The following PLG variants were observed in gnomAD, a reference collection of about 807,000 sequenced individuals.
PLG encodes the protein plasmin.
PLG carries 41 observed loss-of-function variants against 104.4 expected under a neutral mutation model. The ratio of observed to expected loss-of-function variants is 0.39; its 90% CI spans 0.31 to 0.51. The LOEUF (loss-of-function observed/expected upper bound fraction) is 0.51, where lower values mean the gene tolerates loss of function less well. PLG is among the 20% of genes least tolerant of loss of function. The probability of loss-of-function intolerance (pLI) is 0.76; values close to 1 mark genes in which losing one functional copy is unlikely to be tolerated. For synonymous variants in PLG, 337 were observed against 357.1 expected, an observed-to-expected ratio of 0.94 and a Z score of 0.63; for missense variants, 891 against 1,003.6, an observed-to-expected ratio of 0.89 and a Z score of 1.52.
Position 160,736,862 on chromosome 6 carries a change from A to G in PLG, c.1682-25A>G. 2 of 1,613,162 alleles carry G rather than the reference A, an allele frequency of 1.2e-6. No individual in the cohort carries two copies. The highest frequency in any genetic ancestry group is 1.7e-6 in the Non-Finnish European group (2 of 1,179,414). The stretch of plus-strand genomic sequence containing the variant: ...AAATTGCTACCTTGTCTCAAATGGG[A>G]TTTCTTTCCCACCTTGTGCCACAGC... On this transcript the variant is annotated intron_variant, in intron 13 of 18. Transcript: ENST00000308192. The surrounding 1 kb of genome is among the most constrained non-coding windows in gnomAD (Gnocchi z 5.2).
chr6:160,703,021 C>G (rs549704267), intron 1 of PLG, among the ~76,000 whole-genome samples: 6 of 152,008 alleles, frequency 3.9e-5, no homozygotes, highest in Admixed American at 2.0e-4. Context: ...GTATCCTTTA[C>G]AAATACTAGC....
In PLG at chr6:160,752,103, T is replaced by C. The variant is rs1017989194; in HGVS notation, c.2126-12T>C. Reference sequence around the variant, plus strand: ...GGTGCAGTTGCCATTTCTTTCATCTTTTTAAACACAGGTACTTTTGGAGCT... The same window carrying C: ...GGTGCAGTTGCCATTTCTTTCATCTCTTTAAACACAGGTACTTTTGGAGCT... On this transcript the variant is annotated splice_polypyrimidine_tract_variant and intron_variant, in intron 17 of 18. Coordinates refer to ENST00000308192, the MANE Select transcript of PLG (RefSeq NM_000301.5). The surrounding 1 kb of genome is among the most constrained non-coding windows in gnomAD (Gnocchi z 4.7). The C allele has an allele frequency of 3.7e-6, 6 of 1,612,524 alleles. No individual in the cohort carries two copies. In the African/African-American group the frequency reaches 8.0e-5, roughly 22 times the overall value.
rs747666681 is a variant in PLG at position 160,711,211 on chromosome 6, C to G, written c.407+20C>G. On this transcript the variant is annotated intron_variant, in intron 4 of 18. Transcript: ENST00000308192. ...ACCTAGGTAAGACATTCCCTTTCATCTTTGTGTTCATCTACTGTAAAGTTG... is the reference window on the plus strand; with the variant it reads ...ACCTAGGTAAGACATTCCCTTTCATGTTTGTGTTCATCTACTGTAAAGTTG... 1.2e-6 allele frequency: 2 copies of G among 1,610,376 alleles called. No individual in the cohort carries two copies. Among genetic ancestry groups the G allele is most frequent in the East Asian group, 4.5e-5 (2 of 44,830 alleles).
At chr6:160,706,689 T>C (rs570362826) in intron 2 of PLG, 147 bp downstream of exon 2, 10 of 763,848 alleles carry the variant, frequency 1.3e-5, no homozygotes, top group East Asian at 2.5e-5. Flanking sequence ...TGTGAAGCCA[T>C]ACTAACAGCT....
chr6:160,716,719 C>T lies in PLG; in HGVS notation c.743C>T (p.Thr248Ile), dbSNP rs139012522. 8.7e-6 allele frequency: 14 copies of T among 1,613,058 alleles called. 1 individual carries two copies. The highest frequency in any genetic ancestry group is 8.0e-5 in the African/African-American group (6 of 74,908). The change falls in exon 7 of 19, where the codon ACC becomes ATC. Residue 248 changes from threonine to isoleucine, a missense_variant. Physicochemically the swap from Thr to Ile is moderately conservative, Grantham distance 89. This residue lies in a region of PLG where 854 missense variants were observed against 932.1 expected (regional missense o/e 0.92). Transcript: ENST00000308192. ...DRELRPWCFT[T>I]DPNKRWELCD... ...GAGCTGCGGCCTTGGTGTTTCACCA[C>T]CGACCCCAACAAGCGCTGGGAACTT...
intron 12 of PLG, 54 bp from the exon 13 acceptor site, chr6:160,733,940 CT>C: frequency 1.1e-6 from 1 of 892,372 alleles, no homozygotes; most frequent in Non-Finnish European, 1.9e-6. Context: ...CTTGGAACAC[CT>C]TCTCCCTCTC....
At chr6:160,747,254 T>G (rs760690609) in intron 17 of PLG, among the ~76,000 whole-genome samples, 5 of 152,160 alleles carry the variant, frequency 3.3e-5, no homozygotes, top group Non-Finnish European at 7.4e-5. Context: ...TTGATGGGTG[T>G]GGATGAGAAC....
intron 5 of PLG, 130 bp downstream of exon 5, chr6:160,713,255 A>C: frequency 1.4e-5 from 11 of 811,294 alleles, no homozygotes; most frequent in African/African-American, 3.5e-5. Flanking sequence ...AAGAAGCAAA[A>C]CCCCAGAATT....
In PLG at chr6:160,738,703, T is replaced by C. The variant is rs1778133142; in HGVS notation, c.1877+91T>C. ...CTTTCCTCCTTTCCTTTCTCACTCT[T>C]CCTCCCTTCCTTCTCTGGCTGTGAC... On this transcript the variant is annotated intron_variant, in intron 15 of 18. Transcript: ENST00000308192. The surrounding 1 kb of genome is among the most constrained non-coding windows in gnomAD (Gnocchi z 6.8). The C allele has an allele frequency of 3.3e-6, 3 of 900,016 alleles. No homozygotes were observed. The highest frequency in any genetic ancestry group is 5.6e-4 in the Middle Eastern group (2 of 3,568). The allele number at this position is 900,016 out of a possible 1,614,324, so 55.8% of individuals were successfully genotyped here.
At position 160,735,578 on chromosome 6, in the gene PLG, T is replaced by C. The variant is rs1778073993; in HGVS notation, c.1682-1309T>C. Among the ~76,000 whole-genome samples, 1 of 152,196 alleles carries C rather than the reference T, an allele frequency of 6.6e-6. No individual in the cohort carries two copies. The highest frequency in any genetic ancestry group is 1.5e-5 in the Non-Finnish European group (1 of 68,042). On this transcript the variant is annotated intron_variant, in intron 13 of 18. Transcript: ENST00000308192. This position sits in a 1 kb window ranked among gnomAD's most constrained non-coding sequence, Gnocchi z 5.4. The stretch of plus-strand genomic sequence containing the variant: ...GGTGAGAAGCGTTCCCATCAGACAC[T>C]TGGAAATCCTGAGGACTGTTTCATG...
chr6:160,745,946 A>G (rs1778269998), intron 17 of PLG, among the ~76,000 whole-genome samples: 1 of 152,166 alleles, frequency 6.6e-6, no homozygotes, highest in Admixed American at 6.5e-5. Context: ...AGAATATTGA[A>G]TATAGGCCCC....
At chr6:160,729,520 T>G (rs1287774854) in intron 10 of PLG, among the ~76,000 whole-genome samples, 1 of 152,220 alleles carries the variant, frequency 6.6e-6, no homozygotes, top group East Asian at 1.9e-4. Flanking sequence ...ATTTGTGATC[T>G]ATTCATATAA....
At chr6:160,721,216 T>C (rs1477104824) in intron 9 of PLG, among the ~76,000 whole-genome samples, 1 of 152,212 alleles carries the variant, frequency 6.6e-6, no homozygotes, top group Non-Finnish European at 1.5e-5. Context: ...AGTCTGGCTC[T>C]CTGGATTGCT....
At chr6:160,749,016 C>A (rs1044446728) in intron 17 of PLG, among the ~76,000 whole-genome samples, 2 of 152,174 alleles carry the variant, frequency 1.3e-5, no homozygotes, top group African/African-American at 4.8e-5. Flanking sequence ...GTGTAGTTCC[C>A]TCAACAGGAT....
chr6:160,738,398 C>A lies in PLG; in HGVS notation c.1803-140C>A. 1 of 705,738 alleles carries A rather than the reference C, an allele frequency of 1.4e-6. No homozygotes were observed. The highest frequency in any genetic ancestry group is 2.7e-5 in the East Asian group (1 of 36,668). 43.7% of individuals were successfully genotyped at this position (705,738 alleles called of 1,614,324 possible). On this transcript the variant is annotated intron_variant, in intron 14 of 18. Coordinates refer to ENST00000308192, the MANE Select transcript of PLG (RefSeq NM_000301.5). The surrounding 1 kb of genome is among the most constrained non-coding windows in gnomAD (Gnocchi z 6.8). The stretch of plus-strand genomic sequence containing the variant: ...AGCACTGGCCAAAATTACTACCATC[C>A]TGATGCTGGGCTTGCAGTCCTTTCC...
rs916498871 is a variant in PLG at position 160,734,196 on chromosome 6, C to T, written c.1681+108C>T. On this transcript the variant is annotated intron_variant, in intron 13 of 18. Coordinates refer to ENST00000308192, the MANE Select transcript of PLG (RefSeq NM_000301.5). The surrounding 1 kb of genome is among the most constrained non-coding windows in gnomAD (Gnocchi z 4.4). ...TGCTTCTGGGGAGGAGATAGCTGCC[C>T]TCTCCATCAGACCCCACTCTTCATC... The T allele has an allele frequency of 3.4e-5, 23 of 677,090 alleles. No homozygotes were observed. The highest frequency in any genetic ancestry group is 6.3e-5 in the Non-Finnish European group (23 of 362,212). 41.9% of individuals were successfully genotyped at this position (677,090 alleles called of 1,614,324 possible).
intron 1 of PLG, among the ~76,000 whole-genome samples, chr6:160,703,129 A>C (rs1298922105): frequency 6.6e-6 from 1 of 152,154 alleles, no homozygotes; most frequent in Non-Finnish European, 1.5e-5. Flanking sequence ...CTCAGTGACC[A>C]AATTCTCAGA....
In PLG at chr6:160,742,000, T is replaced by C. The variant is rs1469622319; in HGVS notation, c.2125+583T>C. Among the ~76,000 whole-genome samples the C allele has an allele frequency of 6.6e-6, 1 of 152,232 alleles. No individual in the cohort carries two copies. The highest frequency in any genetic ancestry group is 1.5e-5 in the Non-Finnish European group (1 of 68,050). ...CTGTAAAAGATATTACCTCATTCTT[T>C]CTTATGGCTAAACAGTATTCCATGG... is the stretch of plus-strand genomic sequence containing the variant. On this transcript the variant is annotated intron_variant, in intron 17 of 18. Transcript: ENST00000308192. The surrounding 1 kb of genome is among the most constrained non-coding windows in gnomAD (Gnocchi z 4.7).
At chr6:160,743,265 AATG>A (rs1276754764) in intron 17 of PLG, among the ~76,000 whole-genome samples, 1 of 152,094 alleles carries the variant, frequency 6.6e-6, no homozygotes, top group East Asian at 1.9e-4. Flanking sequence ...TGGCCATTTT[AATG>A]ATATTGATTC....
Sources: allele counts gnomAD v4.1 joint callset (sites outside exome capture counted in the v4.1 genomes callset), GRCh38; gene constraint gnomAD v4.1.1; regional missense constraint gnomAD v4.1.1; non-coding constraint Gnocchi (gnomAD v3.1); transcripts MANE v1.5; gene names NCBI Gene and HGNC (gene_info 2026-07-23, HGNC 2026-07-21).